Variants in PLD5 observed in about 807,000 individuals in gnomAD.
The protein encoded by PLD5 is phospholipase D family member 5.
A neutral mutation model predicts 61.1 loss-of-function variants in PLD5; 36 were observed. The ratio of observed to expected loss-of-function variants is 0.59; its 90% CI spans 0.45 to 0.78. The LOEUF is 0.78. PLD5 is among the 30% of genes least tolerant of loss of function. The pLI is 0.00. For synonymous variants in PLD5, 243 were observed against 242.8 expected (o/e 1.00, Z -0.01); for missense variants, 515 against 644.4 (o/e 0.80, Z 2.17).
chr1:242,257,488 G>T (rs1359178429), intron 4 of PLD5, among the ~76,000 whole-genome samples: 1 of 152,178 alleles, frequency 6.6e-6, no homozygotes, highest in Non-Finnish European at 1.5e-5. Context: ...CCAAGCTCTA[G>T]GATGAATTTC....
At chr1:242,462,717 A>G (rs557595585) in intron 1 of PLD5, among the ~76,000 whole-genome samples, 2 of 152,146 alleles carry the variant, frequency 1.3e-5, no homozygotes, top group South Asian at 4.2e-4. Context: ...ACCTTGTGCC[A>G]CCAGATGAGG....
intron 5 of PLD5, among the ~76,000 whole-genome samples, chr1:242,178,611 T>C (rs1667326830): frequency 6.6e-6 from 1 of 152,196 alleles, no homozygotes; most frequent in South Asian, 2.1e-4. Context: ...GAGAAGGATG[T>C]TTGTATTATG....
intron 5 of PLD5, among the ~76,000 whole-genome samples, chr1:242,204,684 C>T (rs1162196948): frequency 6.6e-6 from 1 of 152,118 alleles, no homozygotes; most frequent in Non-Finnish European, 1.5e-5. Context: ...TCTGTTTTAG[C>T]CTCCCATTTG....
chr1:242,505,831 C>A (rs974276039), intron 1 of PLD5, among the ~76,000 whole-genome samples: 5 of 152,224 alleles, frequency 3.3e-5, no homozygotes, highest in African/African-American at 9.6e-5. Flanking sequence ...GGAATCATTA[C>A]CTCCTTCACC....
chr1:242,518,904 G>C (rs760114102), intron 1 of PLD5, among the ~76,000 whole-genome samples: 2 of 152,152 alleles, frequency 1.3e-5, no homozygotes, highest in African/African-American at 4.8e-5. Flanking sequence ...GTGGTGACAA[G>C]GACAGTGATG....
chr1:242,249,664 T>C (rs2149079404), intron 4 of PLD5, among the ~76,000 whole-genome samples: 1 of 152,322 alleles, frequency 6.6e-6, no homozygotes, highest in Admixed American at 6.5e-5. Flanking sequence ...AAACTGCACA[T>C]ATTCTCCTAA....
intron 1 of PLD5, among the ~76,000 whole-genome samples, chr1:242,461,619 G>T (rs1256408561): frequency 1.3e-5 from 2 of 152,196 alleles, no homozygotes; most frequent in Non-Finnish European, 1.5e-5. Flanking sequence ...TAATGGGATT[G>T]CTGGGTTGAA....
chr1:242,121,030 T>C (rs1297925438), intron 6 of PLD5, among the ~76,000 whole-genome samples: 1 of 152,218 alleles, frequency 6.6e-6, no homozygotes, highest in East Asian at 1.9e-4. Context: ...TCTTTATGTA[T>C]GTGTTCAACT....
intron 1 of PLD5, among the ~76,000 whole-genome samples, chr1:242,485,553 T>C (rs113054914): frequency 0.012 from 1,841 of 151,946 alleles, 39 homozygotes; most frequent in African/African-American, 0.041. Flanking sequence ...CACTGAACAA[T>C]GAAATAAAAG....
chr1:242,270,377 G>A (rs1050496095), intron 3 of PLD5, among the ~76,000 whole-genome samples: 3 of 152,140 alleles, frequency 2.0e-5, no homozygotes, highest in Middle Eastern at 3.4e-3. Flanking sequence ...TCTTACAAAC[G>A]AGGACACAGA....
intron 8 of PLD5, among the ~76,000 whole-genome samples, chr1:242,106,015 G>C (rs993410793): frequency 1.3e-5 from 2 of 152,192 alleles, no homozygotes; most frequent in African/African-American, 4.8e-5. Context: ...TCCTTTAACT[G>C]TTCATGCCTT....
chr1:242,459,936 G>A (rs1455891819), intron 1 of PLD5, among the ~76,000 whole-genome samples: 1 of 152,168 alleles, frequency 6.6e-6, no homozygotes, highest in Non-Finnish European at 1.5e-5. Context: ...TAGGGTTAAA[G>A]CATACTCCCT....
chr1:242,117,690 T>C (rs1275957564), intron 6 of PLD5, among the ~76,000 whole-genome samples: 3 of 152,180 alleles, frequency 2.0e-5, no homozygotes, highest in Admixed American at 2.0e-4. Flanking sequence ...TGAAGTTGTT[T>C]TTAAATCTCC....
intron 3 of PLD5, among the ~76,000 whole-genome samples, chr1:242,284,150 T>TA (rs369415933): frequency 1.8e-5 from 2 of 111,996 alleles, no homozygotes; most frequent in Non-Finnish European, 3.5e-5. Flanking sequence ...TTTTTTTTTT[T>TA]ATAGATACAC....
intron 1 of PLD5, among the ~76,000 whole-genome samples, chr1:242,387,014 C>T (rs950522382): frequency 5.9e-5 from 9 of 152,144 alleles, no homozygotes; most frequent in African/African-American, 1.9e-4. Flanking sequence ...AAATTATACT[C>T]ACAGTAGATT....
chr1:242,130,763 A>C (rs1214610107), intron 5 of PLD5, among the ~76,000 whole-genome samples: 2 of 152,192 alleles, frequency 1.3e-5, no homozygotes, highest in African/African-American at 4.8e-5. Context: ...GTTCAATCAC[A>C]CAGTTGATTT....
At chr1:242,192,577 C>T (rs1218781171) in intron 5 of PLD5, among the ~76,000 whole-genome samples, 5 of 152,136 alleles carry the variant, frequency 3.3e-5, no homozygotes, top group Non-Finnish European at 7.4e-5. Context: ...AAACATTTTC[C>T]TCCAAAACAC....
At chr1:242,386,920 T>C (rs1436009802) in intron 1 of PLD5, among the ~76,000 whole-genome samples, 1 of 152,200 alleles carries the variant, frequency 6.6e-6, no homozygotes, top group Admixed American at 6.5e-5. Context: ...CAAATGGGTT[T>C]TGTTAAATCA....
chr1:242,204,899 G>C (rs558153209), intron 5 of PLD5, among the ~76,000 whole-genome samples: 1 of 152,252 alleles, frequency 6.6e-6, no homozygotes, highest in Admixed American at 6.5e-5. Flanking sequence ...AAAGAATAAG[G>C]CTGGCAAAAC....
Sources: gnomAD v4.1 joint callset for allele counts (sites outside exome capture counted in the v4.1 genomes callset) on GRCh38, gnomAD v4.1.1 for gene constraint, MANE v1.5 for transcripts, NCBI Gene and HGNC (gene_info 2026-07-23, HGNC 2026-07-21) for gene names.